HRH1: variants seen among roughly 807,000 people sequenced by gnomAD.
HRH1 encodes the protein histamine receptor H1.
Under a neutral mutation model 10.3 loss-of-function variants are expected in HRH1, and 6 were observed. That is an observed-to-expected ratio of 0.58 (90% confidence interval 0.32 to 1.15). The LOEUF is 1.15. Ranked by LOEUF, HRH1 falls within the 50% of genes most tolerant of loss-of-function variation. The pLI is 0.05. For missense variants in HRH1, 514 were observed against 615.3 expected (o/e 0.84, Z 1.74); for synonymous variants, 242 against 236.7 (o/e 1.02, Z -0.21).
intron 1 of HRH1, among the ~76,000 whole-genome samples, chr3:11,225,033 G>T (rs1938838410): frequency 6.6e-6 from 1 of 152,182 alleles, no homozygotes; most frequent in Non-Finnish European, 1.5e-5. Context: ...CTCCACTGCG[G>T]CTGCTAAGAG....
At position 11,240,401 on chromosome 3, in the gene HRH1, C is replaced by T. The variant is rs146270451; in HGVS notation, c.-35-18602C>T. Among the ~76,000 whole-genome samples, 226 of 152,170 alleles carry T rather than the reference C, an allele frequency of 1.5e-3. 1 individual carries two copies. The highest frequency in any genetic ancestry group is 5.1e-3 in the African/African-American group (213 of 41,522). On this transcript the variant is annotated intron_variant, in intron 1 of 1. Coordinates refer to ENST00000431010, the MANE Select transcript of HRH1 (RefSeq NM_001098212.2). ...TTAAAAACAGGCAGATCTGAGTCTG[C>T]AGCAGTTGGTAGAATGTGAGTGGCA...
At chr3:11,216,706 C>G (rs1938511601) in intron 1 of HRH1, among the ~76,000 whole-genome samples, 1 of 152,022 alleles carries the variant, frequency 6.6e-6, no homozygotes, top group African/African-American at 2.4e-5. Flanking sequence ...TACTGAAATC[C>G]CGTCTGTACT....
At chr3:11,253,800 C>T (rs1475833441) in intron 1 of HRH1, among the ~76,000 whole-genome samples, 1 of 152,136 alleles carries the variant, frequency 6.6e-6, no homozygotes, top group Non-Finnish European at 1.5e-5. Context: ...CCTTTCTTCT[C>T]CTGAGAATAA....
chr3:11,223,132 T>A (rs182946398), intron 1 of HRH1, among the ~76,000 whole-genome samples: 1 of 120,446 alleles, frequency 8.3e-6, no homozygotes, highest in Non-Finnish European at 1.6e-5. Context: ...TTGCAGTGAG[T>A]CGAGATCGCA....
chr3:11,187,588 A>G (rs548213844), intron 1 of HRH1, among the ~76,000 whole-genome samples: 5 of 152,330 alleles, frequency 3.3e-5, no homozygotes, highest in Admixed American at 3.3e-4. Context: ...TTAGTTTCTA[A>G]GTCCTGCACA....
intron 1 of HRH1, among the ~76,000 whole-genome samples, chr3:11,191,582 C>G (rs953620196): frequency 3.3e-5 from 5 of 152,186 alleles, no homozygotes; most frequent in Admixed American, 6.5e-5. Flanking sequence ...ATATGCACCC[C>G]CCACCTGACT....
intron 1 of HRH1, among the ~76,000 whole-genome samples, chr3:11,206,689 T>A (rs1465701127): frequency 6.6e-6 from 1 of 152,248 alleles, no homozygotes; most frequent in East Asian, 1.9e-4. Context: ...GTCATACAGC[T>A]GGCAAGGGGT....
intron 1 of HRH1, among the ~76,000 whole-genome samples, chr3:11,224,418 C>T (rs1026605018): frequency 3.3e-5 from 5 of 152,162 alleles, no homozygotes; most frequent in African/African-American, 1.2e-4. Context: ...TGTTGGAGGG[C>T]CGGGCGCGGT....
At chr3:11,186,676 A>G (rs557195600) in intron 1 of HRH1, among the ~76,000 whole-genome samples, 9 of 152,248 alleles carry the variant, frequency 5.9e-5, no homozygotes, top group African/African-American at 2.2e-4. Flanking sequence ...TCACATAGTT[A>G]TGGGTGTTCA....
In HRH1 at chr3:11,187,689, C is replaced by G. The variant is rs573163590; in HGVS notation, c.-36+33135C>G. 5.3e-4 allele frequency among the ~76,000 whole-genome samples: 81 copies of G among 152,334 alleles called. 1 individual carries two copies. The South Asian group carries it at 0.016, about 30-fold the overall frequency. On this transcript the variant is annotated intron_variant, in intron 1 of 1. Transcript: ENST00000431010. ...TGAGGACATTAAGTCTAATGATACT[C>G]CTGTCTTCAGGAAGCATCAATCCTC...
At chr3:11,151,130 C>T (rs1049878485), upstream of HRH1, among the ~76,000 whole-genome samples, 6 of 152,298 alleles carry the variant, frequency 3.9e-5, no homozygotes, top group African/African-American at 4.8e-5. Flanking sequence ...ACAACTGTAA[C>T]GGTTTCAGGA....
At chr3:11,233,480 T>G (rs1939095823) in intron 1 of HRH1, among the ~76,000 whole-genome samples, 2 of 152,186 alleles carry the variant, frequency 1.3e-5, no homozygotes, top group South Asian at 4.1e-4. Context: ...TAGTTCACGT[T>G]TCCTCTCTTG....
rs1441196094 is a variant in HRH1 at position 11,261,951 on chromosome 3, A to T, written c.*1450A>T. ...AAATGATATGTTTGAGTAGACGAAC[A>T]GCTGACATGGAGTTCCCGTGCACCT... On this transcript the variant is annotated 3_prime_UTR_variant, in exon 2 of 2. Transcript: ENST00000431010. The T allele has an allele frequency of 1.2e-5, 2 of 167,126 alleles. No individual in the cohort carries two copies. Among genetic ancestry groups the T allele is most frequent in the African/African-American group, 4.8e-5 (2 of 41,468 alleles). 10.4% of individuals were successfully genotyped at this position (167,126 alleles called of 1,614,324 possible).
intron 1 of HRH1, among the ~76,000 whole-genome samples, chr3:11,207,124 A>G (rs1332843532): frequency 2.6e-5 from 4 of 151,832 alleles, no homozygotes; most frequent in African/African-American, 9.7e-5. Flanking sequence ...GGTATATTGA[A>G]GTTTGGGGTC....
chr3:11,218,685 C>T (rs532060937), intron 1 of HRH1, among the ~76,000 whole-genome samples: 376 of 151,708 alleles, frequency 2.5e-3, no homozygotes, highest in Non-Finnish European at 4.6e-3. Context: ...AAGTGATTCT[C>T]CTGCCTCAGT....
chr3:11,192,749 T>C (rs780900711), intron 1 of HRH1, among the ~76,000 whole-genome samples: 13 of 152,138 alleles, frequency 8.5e-5, no homozygotes, highest in Non-Finnish European at 1.8e-4. Flanking sequence ...TTCACAACAA[T>C]TGAGTCAGGT....
intron 1 of HRH1, among the ~76,000 whole-genome samples, chr3:11,177,343 G>C (rs139223567): frequency 6.6e-6 from 1 of 152,284 alleles, no homozygotes; most frequent in Non-Finnish European, 1.5e-5. Flanking sequence ...GCATCATGCA[G>C]TGTCCAGCGC....
chr3:11,157,048 T>C (rs534050004), intron 1 of HRH1, among the ~76,000 whole-genome samples: 2 of 152,362 alleles, frequency 1.3e-5, no homozygotes, highest in South Asian at 4.1e-4. Context: ...GTGGATGATA[T>C]TGCTGCTACG....
chr3:11,198,736 GA>G (rs59389294), intron 1 of HRH1, among the ~76,000 whole-genome samples: 210 of 124,668 alleles, frequency 1.7e-3, no homozygotes, highest in Middle Eastern at 8.4e-3. Context: ...GACCCTATCT[GA>G]AAAAAAAAAA....
Sources: gnomAD v4.1 joint callset for allele counts (sites outside exome capture counted in the v4.1 genomes callset) on GRCh38, gnomAD v4.1.1 for gene constraint, MANE v1.5 for transcripts, NCBI Gene and HGNC (gene_info 2026-07-23, HGNC 2026-07-21) for gene names.